ZNF766: variants seen among roughly 807,000 people sequenced by gnomAD.
ZNF766 encodes zinc finger protein 766.
In ZNF766, 13 loss-of-function variants were observed where a neutral mutation model predicts 13.2. The observed-to-expected ratio is 0.98, with a 90% CI of 0.64 to 1.56. The LOEUF is 1.56. Among genes scored for constraint, ZNF766 ranks in the 40% most tolerant of loss-of-function variants. The pLI is 0.00. For missense variants in ZNF766, 521 were observed against 552.2 expected, an observed-to-expected ratio of 0.94 and a Z score of 0.57; for synonymous variants, 178 against 187.6, an observed-to-expected ratio of 0.95 and a Z score of 0.42.
rs978372376 is a variant in ZNF766, at chr19:52,283,268, C to T, written c.146-17C>T. On this transcript the variant is annotated splice_polypyrimidine_tract_variant and intron_variant, in intron 2 of 3. Transcript: ENST00000439461. Reference sequence around the variant, plus strand: ...GGAGACATCACAGCACATCTTGATTCTTTCTTTTATAAACAGGAATCTGTC... The same window carrying T: ...GGAGACATCACAGCACATCTTGATTTTTTCTTTTATAAACAGGAATCTGTC... 13 of 1,609,834 alleles carry T rather than the reference C, an allele frequency of 8.1e-6. No homozygotes were observed. The highest frequency in any genetic ancestry group is 1.1e-5 in the Non-Finnish European group (13 of 1,178,068).
At chr19:52,290,013 A>G (rs752965671) in intron 3 of ZNF766, 53 bp from the exon 4 acceptor site, 235 of 1,525,318 alleles carry the variant, frequency 1.5e-4, no homozygotes, top group Middle Eastern at 1.1e-3. Context: ...AAAAAGTGCA[A>G]AAAACATGCC....
intron 3 of ZNF766, among the ~76,000 whole-genome samples, chr19:52,286,258 A>G (rs749022980): frequency 6.7e-6 from 1 of 149,066 alleles, no homozygotes; most frequent in African/African-American, 2.5e-5. Context: ...TCGGCTTTTT[A>G]TATATGGACT....
In ZNF766 at chr19:52,295,648, C is replaced by G. The variant is rs1982314813; in HGVS notation, c.*4450C>G. ...TGTAAATATGAAAAAGGAAAAAATG[C>G]TTTCACTATATTAGAGGACTTGAAG... On this transcript the variant is annotated 3_prime_UTR_variant, in exon 4 of 4. Transcript: ENST00000439461. 1 of 152,120 alleles carries G rather than the reference C, an allele frequency of 6.6e-6. No homozygotes were observed. Among genetic ancestry groups the G allele is most frequent in the Non-Finnish European group, 1.5e-5 (1 of 68,016 alleles). The allele number at this position is 152,120 out of a possible 1,614,324, so 9.4% of individuals were successfully genotyped here.
intron 1 of ZNF766, among the ~76,000 whole-genome samples, chr19:52,270,850 T>G (rs1323470238): frequency 6.6e-6 from 1 of 152,048 alleles, no homozygotes; most frequent in Non-Finnish European, 1.5e-5. Flanking sequence ...GGGCTCAAAA[T>G]CTCGGCTCAC....
chr19:52,289,732 G>A (rs1982014207), intron 3 of ZNF766, among the ~76,000 whole-genome samples: 1 of 152,120 alleles, frequency 6.6e-6, no homozygotes, highest in Admixed American at 6.6e-5. Flanking sequence ...CGGGCGCGGT[G>A]GCTCACACCT....
rs1204411962 is a variant in ZNF766, at chr19:52,283,218, T to G, written c.146-67T>G. On this transcript the variant is annotated intron_variant, in intron 2 of 3. Transcript: ENST00000439461. ...GATTAATTTTTAATATCATCTCTGC[T>G]GCCTAAACAGAGGGCTTGGATTTTG... The G allele has an allele frequency of 7.2e-5, 111 of 1,547,076 alleles. 1 individual carries two copies. The highest frequency in any genetic ancestry group is 8.7e-7 in the Non-Finnish European group (1 of 1,146,526).
chr19:52,287,183 C>T (rs150569487), intron 3 of ZNF766, among the ~76,000 whole-genome samples: 2,330 of 151,540 alleles, frequency 0.015, 63 homozygotes, highest in African/African-American at 0.054. Flanking sequence ...CGCCCGGTCG[C>T]CCAGGCTGGA....
Position 52,290,986 on chromosome 19 carries a change from G to C in ZNF766, c.1195G>C (p.Ala399Pro), listed in dbSNP as rs1243056232. 3 of 1,613,802 alleles carry C rather than the reference G, an allele frequency of 1.9e-6. No individual in the cohort carries two copies. Among genetic ancestry groups the C allele is most frequent in the Admixed American group, 1.7e-5 (1 of 59,970 alleles). The change falls in exon 4 of 4, where the codon GCA becomes CCA. Residue 399 changes from alanine to proline, a missense_variant. Physicochemically the swap from Ala to Pro is conservative, Grantham distance 27. Coordinates refer to ENST00000439461, the MANE Select transcript of ZNF766 (RefSeq NM_001010851.3). ...GKVFTQVSHL[A>P]RHQKIHTGEK... The stretch of plus-strand genomic sequence containing the variant: ...AGTCTTCACTCAAGTTTCACATCTT[G>C]CACGACATCAGAAAATTCACACTGG...
intron 1 of ZNF766, among the ~76,000 whole-genome samples, chr19:52,273,830 C>T (rs1427115121): frequency 1.3e-5 from 2 of 152,178 alleles, no homozygotes; most frequent in African/African-American, 4.8e-5. Flanking sequence ...TGGGCTTGCC[C>T]CGTCTGAGTG....
intron 2 of ZNF766, 115 bp from the exon 3 acceptor site, chr19:52,283,170 C>T (rs745906136): frequency 1.2e-5 from 16 of 1,303,628 alleles, no homozygotes; most frequent in Non-Finnish European, 1.4e-5. Context: ...TTTTCATGAT[C>T]GCCATTCTAA....
intron 1 of ZNF766, among the ~76,000 whole-genome samples, chr19:52,271,320 A>G (rs770221947): frequency 6.6e-6 from 1 of 152,180 alleles, no homozygotes; most frequent in South Asian, 2.1e-4. Context: ...CCAGGTAGAT[A>G]CTATCAAAAT....
chr19:52,280,043 G>T (rs932049305), intron 1 of ZNF766, among the ~76,000 whole-genome samples: 2 of 151,980 alleles, frequency 1.3e-5, no homozygotes, highest in African/African-American at 4.8e-5. Flanking sequence ...TGATCCGCCC[G>T]CCTCAGCCTC....
chr19:52,276,608 G>C (rs746746142), intron 1 of ZNF766, among the ~76,000 whole-genome samples: 8 of 152,066 alleles, frequency 5.3e-5, no homozygotes, highest in Non-Finnish European at 1.0e-4. Context: ...TGCCCCCCAA[G>C]CACATGAGCA....
Position 52,290,201 on chromosome 19 carries a change from A to C in ZNF766, c.410A>C (p.Gln137Pro), listed in dbSNP as rs941306439. Residue 137 changes from glutamine to proline, a missense_variant, in exon 4 of 4, where the codon CAA (glutamine) becomes CCA (proline). Gln to Pro is a moderately conservative substitution (Grantham distance 76). Transcript: ENST00000439461. Reference protein sequence around the residue: ...EGKIYECNQVQKFISHSSSVS... With the variant: ...EGKIYECNQVPKFISHSSSVS... ...AAGATTTATGAATGTAATCAAGTTC[A>C]AAAGTTCATCAGCCACAGTTCTTCA... The C allele has an allele frequency of 6.2e-7, 1 of 1,614,068 alleles. No homozygotes were observed. The highest frequency in any genetic ancestry group is 1.1e-5 in the South Asian group (1 of 91,088).
Position 52,292,192 on chromosome 19 carries a change from C to T in ZNF766, c.*994C>T, listed in dbSNP as rs1395748744. 1.4e-6 allele frequency: 1 copy of T among 702,746 alleles called. No individual in the cohort carries two copies. 43.5% of individuals were successfully genotyped at this position (702,746 alleles called of 1,614,324 possible). On this transcript the variant is annotated 3_prime_UTR_variant, in exon 4 of 4. Transcript: ENST00000439461. ...GGAAAGAATCAGTAAGATGACAGGG[C>T]TGACTTCATTAGATGAGGAGCGTTT...
intron 3 of ZNF766, 113 bp from the exon 4 acceptor site, chr19:52,289,953 A>G (rs1982034401): frequency 1.4e-5 from 15 of 1,072,684 alleles, no homozygotes; most frequent in Middle Eastern, 2.8e-4. Context: ...GTGATCCGAG[A>G]TCGTGCCACT....
chr19:52,279,414 G>A lies in ZNF766; in HGVS notation c.19-2697G>A, dbSNP rs143851605. 1.6e-3 allele frequency among the ~76,000 whole-genome samples: 236 copies of A among 152,212 alleles called. 1 individual carries two copies. The highest frequency in any genetic ancestry group is 2.9e-3 in the Non-Finnish European group (194 of 68,010). On this transcript the variant is annotated intron_variant, in intron 1 of 3. Coordinates refer to ENST00000439461, the MANE Select transcript of ZNF766 (RefSeq NM_001010851.3). ...AGTTTTTTCTAGTTCTGCAAAGAAC[G>A]TCATTAGGATTAGCTTTCAATCTGT...
Position 52,293,093 on chromosome 19 carries a change from G to C in ZNF766, c.*1895G>C, listed in dbSNP as rs1311482947. The C allele has an allele frequency of 6.6e-6, 1 of 151,656 alleles. No individual in the cohort carries two copies. Among genetic ancestry groups the C allele is most frequent in the African/African-American group, 2.4e-5 (1 of 41,200 alleles). The allele number at this position is 151,656 out of a possible 1,614,324, so 9.4% of individuals were successfully genotyped here. ...TGGTCTTCTGTCACTGTGATAGTTT[G>C]CTGAGAATGATGGTTTCCAGCTTCA... On this transcript the variant is annotated 3_prime_UTR_variant, in exon 4 of 4. Coordinates refer to ENST00000439461, the MANE Select transcript of ZNF766 (RefSeq NM_001010851.3).
intron 1 of ZNF766, among the ~76,000 whole-genome samples, chr19:52,273,438 T>A (rs1419548499): frequency 6.6e-6 from 1 of 152,178 alleles, no homozygotes. Context: ...GTGATCTGCA[T>A]CCCAGGACCT....
Sources: allele counts gnomAD v4.1 joint callset (sites outside exome capture counted in the v4.1 genomes callset), GRCh38; gene constraint gnomAD v4.1.1; transcripts MANE v1.5; gene names NCBI Gene and HGNC (gene_info 2026-07-23, HGNC 2026-07-21).